Variants in TENM1 observed in about 807,000 individuals in gnomAD.
TENM1 encodes teneurin-1.
A neutral mutation model predicts 174.8 loss-of-function variants in TENM1; 35 were observed. That is an observed-to-expected ratio of 0.20 (90% CI 0.15 to 0.27). TENM1 has a LOEUF of 0.27. TENM1 is among the 10% of genes least tolerant of loss of function. The pLI is 1.00. For synonymous variants in TENM1, 781 were observed against 798.7 expected (o/e 0.98, Z 0.37); for missense variants, 1,633 against 2,130.1 (o/e 0.77, Z 4.59).
chrX:124,773,310 A>G (rs746246203), intron 3 of TENM1, among the ~76,000 whole-genome samples: 3 of 110,244 alleles, frequency 2.7e-5, no homozygotes, highest in Non-Finnish European at 5.7e-5. Flanking sequence ...GTGGATGGCA[A>G]GTGAATTTTG....
the TENM1 span, among the ~76,000 whole-genome samples, chrX:124,991,488 G>A: frequency 9.2e-6 from 1 of 109,085 alleles, no homozygotes; most frequent in South Asian, 4.0e-4. Context: ...GGGGGAGAGA[G>A]GGAGAGAGAC....
chrX:124,809,879 A>AGAG (rs397763324), intron 3 of TENM1, among the ~76,000 whole-genome samples: 9 of 105,523 alleles, frequency 8.5e-5, no homozygotes, highest in East Asian at 3.0e-4. Context: ...AGAGAGAGAG[A>AGAG]AGCAGGAAGC....
the TENM1 span, among the ~76,000 whole-genome samples, chrX:125,147,559 C>T: frequency 8.5e-4 from 95 of 111,560 alleles, no homozygotes; most frequent in African/African-American, 2.8e-3. Context: ...TACTTCTTCA[C>T]TCCCACTAAA....
chrX:124,883,724 C>T (rs2057338277), intron 3 of TENM1, among the ~76,000 whole-genome samples: 1 of 111,691 alleles, frequency 9.0e-6, no homozygotes, highest in African/African-American at 3.3e-5. Flanking sequence ...TTGGACAGGC[C>T]AATTCCCAGG....
chrX:124,883,092 A>G (rs2057328435), intron 3 of TENM1, among the ~76,000 whole-genome samples: 1 of 111,786 alleles, frequency 8.9e-6, no homozygotes, highest in African/African-American at 3.3e-5. Flanking sequence ...ATAGATAATT[A>G]TTGTGTTCTT....
chrX:124,969,208 A>G, the TENM1 span, among the ~76,000 whole-genome samples: 1 of 112,805 alleles, frequency 8.9e-6, no homozygotes, highest in Non-Finnish European at 1.9e-5. Flanking sequence ...TGTATGGAAA[A>G]CACATGCTGC....
chrX:124,537,190 AG>A (rs1182996939), intron 15 of TENM1, among the ~76,000 whole-genome samples: 1 of 111,574 alleles, frequency 9.0e-6, no homozygotes. Context: ...TACCTCACAA[AG>A]ATGTCATCAT....
intron 16 of TENM1, among the ~76,000 whole-genome samples, chrX:124,525,416 T>G (rs935831976): frequency 1.8e-5 from 2 of 112,270 alleles, no homozygotes; most frequent in East Asian, 2.8e-4. Flanking sequence ...TCAAGAAACC[T>G]TTCCTCTAGT....
At chrX:124,637,762 A>C (rs776098723) in intron 11 of TENM1, among the ~76,000 whole-genome samples, 1 of 112,127 alleles carries the variant, frequency 8.9e-6, no homozygotes, top group Non-Finnish European at 1.9e-5. Flanking sequence ...ATTTAGTGCA[A>C]GGTATTTTCA....
chrX:124,631,221 A>C (rs1337135470), intron 11 of TENM1, among the ~76,000 whole-genome samples: 4 of 112,195 alleles, frequency 3.6e-5, no homozygotes, highest in African/African-American at 1.3e-4. Flanking sequence ...ATTAAGATGC[A>C]AAAAATTACC....
intron 20 of TENM1, among the ~76,000 whole-genome samples, chrX:124,489,058 T>A (rs1167829309): frequency 8.9e-6 from 1 of 112,633 alleles, no homozygotes; most frequent in Admixed American, 9.3e-5. Flanking sequence ...TCAGAATTAC[T>A]TTTCGTTAAG....
chrX:125,133,928 A>G, the TENM1 span, among the ~76,000 whole-genome samples: 5 of 111,844 alleles, frequency 4.5e-5, no homozygotes, highest in African/African-American at 1.6e-4. Flanking sequence ...TTAGGGATGA[A>G]AAGATTGGAA....
chrX:125,179,539 G>T, the TENM1 span, among the ~76,000 whole-genome samples: 5 of 111,632 alleles, frequency 4.5e-5, no homozygotes, highest in South Asian at 1.9e-3. Flanking sequence ...CTTGCTTTTA[G>T]TAATGCTGAA....
chrX:125,143,199 A>C, the TENM1 span, among the ~76,000 whole-genome samples: 1 of 111,847 alleles, frequency 8.9e-6, no homozygotes, highest in South Asian at 3.8e-4. Flanking sequence ...GATTAGTCTT[A>C]GAGTCAGAGA....
At chrX:124,600,877 A>C (rs1220014387) in intron 11 of TENM1, among the ~76,000 whole-genome samples, 1 of 111,951 alleles carries the variant, frequency 8.9e-6, no homozygotes, top group Non-Finnish European at 1.9e-5. Context: ...TTTTGCTATA[A>C]GGGATGTTGC....
chrX:124,916,911 C>G (rs1233648630), intron 1 of TENM1, among the ~76,000 whole-genome samples: 1 of 110,859 alleles, frequency 9.0e-6, no homozygotes. Flanking sequence ...CAATAAATTT[C>G]TGTTCATTAT....
At chrX:124,577,602 A>C (rs2858415) in intron 11 of TENM1, among the ~76,000 whole-genome samples, 26,965 of 111,021 alleles carry the variant, frequency 0.24, 2,445 homozygotes, top group South Asian at 0.41. Context: ...ATTTTGTCTT[A>C]AGACATATGT....
chrX:124,567,124 A>G (rs764433789), intron 11 of TENM1, among the ~76,000 whole-genome samples: 1 of 112,040 alleles, frequency 8.9e-6, no homozygotes, highest in Admixed American at 9.5e-5. Context: ...ATAAGGGTGG[A>G]AGATCAAAAA....
At chrX:125,044,619 A>T in the TENM1 span, among the ~76,000 whole-genome samples, 4 of 110,871 alleles carry the variant, frequency 3.6e-5, no homozygotes, top group African/African-American at 1.3e-4. Context: ...AATAAAAAAT[A>T]AATGAATTTC....
Sources: allele counts gnomAD v4.1 joint callset (sites outside exome capture counted in the v4.1 genomes callset), GRCh38; gene constraint gnomAD v4.1.1; transcripts MANE v1.5; gene names NCBI Gene and HGNC (gene_info 2026-07-23, HGNC 2026-07-21).